Variants in LARGE1 observed in about 807,000 individuals in gnomAD.
LARGE1 encodes xylosyl- and glucuronyltransferase LARGE1.
LARGE1 carries 43 observed loss-of-function variants against 87.6 expected under a neutral mutation model. The ratio of observed to expected loss-of-function variants is 0.49; its 90% CI spans 0.38 to 0.63. The LOEUF is 0.63. Among genes scored for constraint, LARGE1 ranks in the 30% least tolerant of loss-of-function variants. The probability of loss-of-function intolerance (pLI) is 0.00; values close to 1 mark genes in which losing one functional copy is unlikely to be tolerated. For missense variants in LARGE1, 802 were observed against 1,000.2 expected (o/e 0.80, Z 2.67); for synonymous variants, 434 against 394.6 (o/e 1.10, Z -1.18).
chr22:33,702,441 A>T (rs1468190734), intron 2 of LARGE1, among the ~76,000 whole-genome samples: 2 of 152,194 alleles, frequency 1.3e-5, no homozygotes, highest in Non-Finnish European at 2.9e-5. Flanking sequence ...GAGAAATAGA[A>T]AAGAAAAGCA....
intron 6 of LARGE1, among the ~76,000 whole-genome samples, chr22:33,513,046 T>C (rs374642381): frequency 2.4e-4 from 36 of 152,138 alleles, no homozygotes; most frequent in African/African-American, 7.7e-4. Context: ...ATCCCAGAGA[T>C]GCAAACCTTC....
rs544311346 is a variant in LARGE1 at position 33,766,399 on chromosome 22, T to C, written c.-82-4841A>G. The stretch of plus-strand genomic sequence containing the variant: ...TGAAATTTACATTTATGAAGAACAT[T>C]GTATGAACCCAAAAAAATCACCATG... On this transcript the variant is annotated intron_variant, in intron 1 of 14. Transcript: ENST00000397394. Among the ~76,000 whole-genome samples the C allele has an allele frequency of 3.3e-5, 5 of 152,276 alleles. 1 individual carries two copies. In the South Asian group the frequency reaches 1.0e-3, roughly 32 times the overall value.
intron 2 of LARGE1, among the ~76,000 whole-genome samples, chr22:33,687,566 G>A (rs1488186762): frequency 6.6e-6 from 1 of 152,168 alleles, no homozygotes; most frequent in Non-Finnish European, 1.5e-5. Flanking sequence ...TTTGTTGAAT[G>A]AGTGAAGGTT....
At chr22:33,637,365 A>C (rs2080296979) in intron 3 of LARGE1, among the ~76,000 whole-genome samples, 1 of 152,192 alleles carries the variant, frequency 6.6e-6, no homozygotes, top group African/African-American at 2.4e-5. Flanking sequence ...CAACAAGAGA[A>C]GGCTACTCTG....
intron 11 of LARGE1, among the ~76,000 whole-genome samples, chr22:33,255,181 G>A (rs1399123483): frequency 1.3e-5 from 2 of 152,076 alleles, no homozygotes; most frequent in East Asian, 1.9e-4. Flanking sequence ...CAAGTGATCC[G>A]CCTGCCTCGG....
chr22:33,383,303 T>C (rs1346785823), intron 8 of LARGE1, among the ~76,000 whole-genome samples: 1 of 152,164 alleles, frequency 6.6e-6, no homozygotes, highest in Non-Finnish European at 1.5e-5. Flanking sequence ...CTCATGCCTG[T>C]AATCCCAGCA....
intron 6 of LARGE1, among the ~76,000 whole-genome samples, chr22:33,443,353 G>T (rs891381488): frequency 6.6e-6 from 1 of 152,138 alleles, no homozygotes; most frequent in African/African-American, 2.4e-5. Flanking sequence ...TCACCATGGG[G>T]TAGACTCTAA....
chr22:33,347,227 C>T (rs1939867657), intron 9 of LARGE1, among the ~76,000 whole-genome samples: 1 of 152,218 alleles, frequency 6.6e-6, no homozygotes, highest in African/African-American at 2.4e-5. Flanking sequence ...GCAGGTAGCT[C>T]TATTAGAGAA....
chr22:33,690,440 G>A (rs1403314588), intron 2 of LARGE1, among the ~76,000 whole-genome samples: 3 of 152,058 alleles, frequency 2.0e-5, no homozygotes, highest in African/African-American at 7.2e-5. Context: ...AGCAACCCCA[G>A]AAATAGGTAT....
At chr22:33,566,614 C>A (rs2078033979) in intron 5 of LARGE1, among the ~76,000 whole-genome samples, 1 of 152,224 alleles carries the variant, frequency 6.6e-6, no homozygotes, top group Admixed American at 6.5e-5. Flanking sequence ...AAGAACAAAG[C>A]TTCCACAGCT....
At chr22:33,079,472 C>T in the LARGE1 span, among the ~76,000 whole-genome samples, 1 of 151,970 alleles carries the variant, frequency 6.6e-6, no homozygotes, top group Non-Finnish European at 1.5e-5. Context: ...CATGACCTGC[C>T]CGTCTTGGCC....
At chr22:33,251,211 A>G (rs1010613331) in intron 11 of LARGE1, among the ~76,000 whole-genome samples, 1 of 151,828 alleles carries the variant, frequency 6.6e-6, no homozygotes, top group African/African-American at 2.4e-5. Flanking sequence ...AAGATAGACT[A>G]CTCTGTTCTT....
chr22:33,707,839 C>A (rs1234194823), intron 2 of LARGE1, among the ~76,000 whole-genome samples: 1 of 152,094 alleles, frequency 6.6e-6, no homozygotes, highest in Admixed American at 6.5e-5. Context: ...GGGGCGAGAA[C>A]CCCCATAAAA....
At chr22:33,119,875 C>T in the LARGE1 span, among the ~76,000 whole-genome samples, 1 of 152,052 alleles carries the variant, frequency 6.6e-6, no homozygotes, top group Non-Finnish European at 1.5e-5. Context: ...GCCCTGTCTG[C>T]CAGAGCATTT....
intron 11 of LARGE1, among the ~76,000 whole-genome samples, chr22:33,212,989 G>A (rs1925035855): frequency 6.6e-6 from 1 of 150,958 alleles, no homozygotes; most frequent in Non-Finnish European, 1.5e-5. Context: ...TTGCACTCCA[G>A]CCTGGGTGAC....
At chr22:33,706,161 T>C (rs1180060104) in intron 2 of LARGE1, among the ~76,000 whole-genome samples, 1 of 152,200 alleles carries the variant, frequency 6.6e-6, no homozygotes, top group Non-Finnish European at 1.5e-5. Context: ...GCTGGCTGTG[T>C]GTCGTTTGAT....
intron 6 of LARGE1, among the ~76,000 whole-genome samples, chr22:33,510,288 A>G (rs1011975775): frequency 2.0e-5 from 3 of 152,216 alleles, no homozygotes; most frequent in Non-Finnish European, 4.4e-5. Context: ...ACTAGGTCCC[A>G]AGTCTCCTCT....
chr22:33,246,120 T>A (rs1926745713), intron 11 of LARGE1, among the ~76,000 whole-genome samples: 1 of 152,192 alleles, frequency 6.6e-6, no homozygotes, highest in East Asian at 1.9e-4. Flanking sequence ...TCTTTGGACA[T>A]CCAGTAAAGT....
At chr22:33,319,692 G>A (rs748058473) in intron 10 of LARGE1, among the ~76,000 whole-genome samples, 15 of 152,240 alleles carry the variant, frequency 9.9e-5, no homozygotes, top group African/African-American at 3.4e-4. Context: ...TACCGCGCCC[G>A]GCCAATAAAT....
Sources: gnomAD v4.1 joint callset for allele counts (sites outside exome capture counted in the v4.1 genomes callset) on GRCh38, gnomAD v4.1.1 for gene constraint, MANE v1.5 for transcripts, NCBI Gene and HGNC (gene_info 2026-07-23, HGNC 2026-07-21) for gene names.